AP3B1: variants seen among roughly 807,000 people sequenced by gnomAD.
AP3B1 encodes adaptor related protein complex 3 subunit beta 1.
AP3B1 carries 61 observed loss-of-function variants against 132.5 expected under a neutral mutation model. The ratio of observed to expected loss-of-function variants is 0.46; its 90% CI spans 0.37 to 0.57. The LOEUF (loss-of-function observed/expected upper bound fraction) is 0.57. Among genes scored for constraint, AP3B1 ranks in the 20% least tolerant of loss-of-function variants. The pLI is 0.00. For synonymous variants in AP3B1, 388 were observed against 438.3 expected (o/e 0.89, Z 1.43); for missense variants, 1,120 against 1,289.4 (o/e 0.87, Z 2.01).
At chr5:78,140,241 C>T (rs1404460592) in intron 15 of AP3B1, among the ~76,000 whole-genome samples, 1 of 152,110 alleles carries the variant, frequency 6.6e-6, no homozygotes, top group Non-Finnish European at 1.5e-5. Flanking sequence ...GTAAATTATA[C>T]TACTATTAAA....
At chr5:78,250,016 T>C (rs1165079622) in intron 2 of AP3B1, among the ~76,000 whole-genome samples, 3 of 152,228 alleles carry the variant, frequency 2.0e-5, no homozygotes, top group Non-Finnish European at 4.4e-5. Context: ...TTTCAACAAA[T>C]TTCTGCAGGG....
At chr5:78,067,788 T>TA (rs950185779) in intron 22 of AP3B1, among the ~76,000 whole-genome samples, 15 of 152,142 alleles carry the variant, frequency 9.9e-5, no homozygotes, top group Non-Finnish European at 1.6e-4. Flanking sequence ...TTTATAGCAC[T>TA]AAATGCCCAC....
At chr5:78,037,410 T>C (rs984898493) in intron 23 of AP3B1, among the ~76,000 whole-genome samples, 1 of 152,222 alleles carries the variant, frequency 6.6e-6, no homozygotes, top group African/African-American at 2.4e-5. Flanking sequence ...TAGGATACTT[T>C]GTGTTCTTTA....
chr5:78,172,960 G>A lies in AP3B1; in HGVS notation c.1167+2666C>T, dbSNP rs140797667. On this transcript the variant is annotated intron_variant, in intron 11 of 26. Coordinates refer to ENST00000255194, the MANE Select transcript of AP3B1 (RefSeq NM_003664.5). ...TGTCCCAGAGATTCTGGTATGTTGT[G>A]TCTTTGTTCTCATTGGTTTCAAAGA... Among the ~76,000 whole-genome samples, 323 of 152,242 alleles carry A rather than the reference G, an allele frequency of 2.1e-3. 8 individuals are homozygous for A. Among genetic ancestry groups the A allele is most frequent in the Non-Finnish European group, 4.3e-4 (29 of 68,034 alleles).
At chr5:78,276,534 C>A (rs1348681003) in intron 1 of AP3B1, among the ~76,000 whole-genome samples, 2 of 151,992 alleles carry the variant, frequency 1.3e-5, no homozygotes, top group East Asian at 3.9e-4. Context: ...CAGTTCAAGA[C>A]CAGCCTAGAC....
At chr5:78,034,549 GA>G (rs984883007) in intron 23 of AP3B1, 104 bp from the exon 24 acceptor site, 6 of 849,452 alleles carry the variant, frequency 7.1e-6, no homozygotes, top group African/African-American at 3.4e-5. Context: ...TTGAAACTGT[GA>G]AATGTAATGA....
At chr5:78,240,030 A>G (rs1229806067) in intron 3 of AP3B1, among the ~76,000 whole-genome samples, 2 of 152,218 alleles carry the variant, frequency 1.3e-5, no homozygotes, top group Non-Finnish European at 1.5e-5. Flanking sequence ...CTACAAAATT[A>G]GCGAACCCTC....
At chr5:78,266,913 T>TA (rs1748346362) in intron 2 of AP3B1, among the ~76,000 whole-genome samples, 1 of 152,126 alleles carries the variant, frequency 6.6e-6, no homozygotes. Flanking sequence ...AATAAAAAAT[T>TA]AAAATTAAAA....
intron 22 of AP3B1, among the ~76,000 whole-genome samples, chr5:78,067,099 A>C (rs1297085325): frequency 6.6e-6 from 1 of 152,200 alleles, no homozygotes; most frequent in African/African-American, 2.4e-5. Flanking sequence ...TGAAAAGCAG[A>C]AAAAAGCAGG....
chr5:78,115,727 AAG>A (rs1561416536), intron 18 of AP3B1, among the ~76,000 whole-genome samples: 1 of 152,182 alleles, frequency 6.6e-6, no homozygotes, highest in African/African-American at 2.4e-5. Flanking sequence ...TATAAAATGA[AAG>A]AGAAAAAGAC....
intron 7 of AP3B1, among the ~76,000 whole-genome samples, chr5:78,201,363 T>C (rs1011671448): frequency 2.0e-5 from 3 of 152,182 alleles, no homozygotes; most frequent in African/African-American, 7.2e-5. Context: ...TCCTAACAGA[T>C]TTATTACAAT....
intron 7 of AP3B1, among the ~76,000 whole-genome samples, chr5:78,184,686 C>CAAAAAAAAAAAAAAA (rs772722596): frequency 1.4e-4 from 15 of 110,562 alleles, no homozygotes; most frequent in African/African-American, 5.1e-4. Flanking sequence ...GACACTGTCT[C>CAAAAAAAAAAAAAAA]AAAAAAAAAA....
intron 2 of AP3B1, among the ~76,000 whole-genome samples, chr5:78,262,772 A>G (rs896756747): frequency 1.3e-5 from 2 of 151,546 alleles, no homozygotes; most frequent in African/African-American, 4.8e-5. Context: ...AGCTCACTCC[A>G]AGCGATACCA....
intron 22 of AP3B1, among the ~76,000 whole-genome samples, chr5:78,070,475 A>T (rs1239781713): frequency 6.6e-6 from 1 of 152,076 alleles, no homozygotes; most frequent in Non-Finnish European, 1.5e-5. Flanking sequence ...AAATCTAGGC[A>T]ATATCATTTA....
intron 7 of AP3B1, among the ~76,000 whole-genome samples, chr5:78,210,736 C>A (rs1745698580): frequency 6.6e-6 from 1 of 152,140 alleles, no homozygotes; most frequent in East Asian, 1.9e-4. Context: ...TAGCAGGCCC[C>A]AGTGTCAGAG....
At chr5:78,279,270 T>A (rs1748937372) in intron 1 of AP3B1, among the ~76,000 whole-genome samples, 1 of 152,214 alleles carries the variant, frequency 6.6e-6, no homozygotes. Flanking sequence ...ACATGTCGTG[T>A]TTATAACATA....
At chr5:78,085,157 G>T (rs1750186197) in intron 22 of AP3B1, among the ~76,000 whole-genome samples, 1 of 152,144 alleles carries the variant, frequency 6.6e-6, no homozygotes, top group Non-Finnish European at 1.5e-5. Context: ...CTGCCATCCA[G>T]AATGATGTCA....
At chr5:78,179,978 T>A (rs183432960) in intron 8 of AP3B1, among the ~76,000 whole-genome samples, 1 of 152,276 alleles carries the variant, frequency 6.6e-6, no homozygotes, top group African/African-American at 2.4e-5. Flanking sequence ...TGAAAACGTT[T>A]TTGATCCATA....
intron 25 of AP3B1, chr5:78,015,821 CAT>C (rs1746834743): frequency 2.6e-6 from 1 of 390,446 alleles, no homozygotes; most frequent in South Asian, 2.5e-5. Flanking sequence ...TAGAATCACA[CAT>C]ATGAAATATC....
Sources: gnomAD v4.1 joint callset for allele counts (sites outside exome capture counted in the v4.1 genomes callset) on GRCh38, gnomAD v4.1.1 for gene constraint, MANE v1.5 for transcripts, NCBI Gene and HGNC (gene_info 2026-07-23, HGNC 2026-07-21) for gene names.